CNOT4: variants seen among roughly 807,000 people sequenced by gnomAD.
CNOT4 encodes CCR4-NOT transcription complex subunit 4.
In CNOT4, 8 loss-of-function variants were observed where a neutral mutation model predicts 73.8. The ratio of observed to expected loss-of-function variants is 0.11; its 90% CI spans 0.06 to 0.20. CNOT4 has a LOEUF of 0.20. Among genes scored for constraint, CNOT4 ranks in the 10% least tolerant of loss-of-function variants. The probability of loss-of-function intolerance (pLI) is 1.00; values close to 1 mark genes in which losing one functional copy is unlikely to be tolerated. For missense variants in CNOT4, 564 were observed against 883.4 expected (o/e 0.64, Z 4.58); for synonymous variants, 293 against 321.1 (o/e 0.91, Z 0.94).
chr7:135,456,960 A>G (rs994186258), intron 1 of CNOT4, among the ~76,000 whole-genome samples: 2 of 152,106 alleles, frequency 1.3e-5, no homozygotes, highest in African/African-American at 4.8e-5. Flanking sequence ...GATTTTGTAC[A>G]TAGAAACCCC....
At chr7:135,478,783 A>T (rs1802162247) in intron 1 of CNOT4, among the ~76,000 whole-genome samples, 1 of 152,170 alleles carries the variant, frequency 6.6e-6, no homozygotes, top group African/African-American at 2.4e-5. Context: ...ATCCAATATA[A>T]ATAGCTGTAA....
In CNOT4 at chr7:135,394,233, T is replaced by C; in HGVS notation, c.1312A>G (p.Asn438Asp). 1.2e-6 allele frequency: 2 copies of C among 1,614,118 alleles called. No individual in the cohort carries two copies. Among genetic ancestry groups the C allele is most frequent in the Non-Finnish European group, 1.7e-6 (2 of 1,180,014 alleles). ...GCGGTTGTAGTGTGTGAAGAGGAGT[T>C]CTGAAGAGATGTGGGCGAAAGGGAA... ...QPSLSPTSLQ[N>D]SSSHTTTAKG... The change falls in exon 10 of 12, where the codon AAC becomes GAC. Residue 438 changes from asparagine to aspartate, a missense_variant. Transcript: ENST00000541284.
At chr7:135,452,844 T>C (rs1800261295) in intron 1 of CNOT4, among the ~76,000 whole-genome samples, 1 of 152,176 alleles carries the variant, frequency 6.6e-6, no homozygotes, top group South Asian at 2.1e-4. Flanking sequence ...GCCAGGAGTT[T>C]ATAAAATTAA....
chr7:135,420,223 A>G (rs1798105413), intron 3 of CNOT4, among the ~76,000 whole-genome samples: 1 of 152,060 alleles, frequency 6.6e-6, no homozygotes, highest in African/African-American at 2.4e-5. Flanking sequence ...CATATCCAAG[A>G]GCTCTCAAAT....
chr7:135,372,707 C>T (rs147347291), intron 10 of CNOT4, among the ~76,000 whole-genome samples: 66 of 152,260 alleles, frequency 4.3e-4, no homozygotes, highest in Non-Finnish European at 7.6e-4. Context: ...CAGGCACACA[C>T]CATCACACCC....
chr7:135,394,093 C>A lies in CNOT4; in HGVS notation c.1452G>T (p.Ala484=). The A allele has an allele frequency of 6.2e-7, 1 of 1,614,062 alleles. No individual in the cohort carries two copies. The highest frequency in any genetic ancestry group is 8.5e-7 in the Non-Finnish European group (1 of 1,180,010). ...QRFPQFQQHR[A]VYNSFSFPGQ... is the part of the protein sequence containing the mutation. ...CTGGAAAACTGAATGAATTATAAAC[C>A]GCTCGGTGCTGCTGAAATTGAGGGA... The change falls in exon 10 of 12, where the codon GCG becomes GCT. Residue 484 remains alanine (A), a synonymous_variant. Transcript: ENST00000541284.
intron 1 of CNOT4, among the ~76,000 whole-genome samples, chr7:135,441,764 G>A (rs1799492391): frequency 6.6e-6 from 1 of 152,118 alleles, no homozygotes. Flanking sequence ...ATGATATACT[G>A]ATGTTTTGCT....
At chr7:135,367,784 A>C (rs1402681609) in intron 10 of CNOT4, among the ~76,000 whole-genome samples, 1 of 152,190 alleles carries the variant, frequency 6.6e-6, no homozygotes, top group Non-Finnish European at 1.5e-5. Flanking sequence ...ATCAGAAAGT[A>C]CTTTAAACTT....
At chr7:135,392,189 C>G (rs1422768470) in intron 10 of CNOT4, among the ~76,000 whole-genome samples, 1 of 152,066 alleles carries the variant, frequency 6.6e-6, no homozygotes, top group Non-Finnish European at 1.5e-5. Flanking sequence ...TTACAGGGTA[C>G]ATTGATGTCT....
In CNOT4 at chr7:135,506,830, A is replaced by G. The variant is rs139449484; in HGVS notation, c.-93+3059T>C. On this transcript the variant is annotated intron_variant, in intron 1 of 11. Transcript: ENST00000541284. ...ACCACTGCACTCCAGCCTGAGTGACAGAGCGAGACTGTCTCAAAAAAAAAA... is the reference window on the plus strand; with the variant it reads ...ACCACTGCACTCCAGCCTGAGTGACGGAGCGAGACTGTCTCAAAAAAAAAA... 2.2e-3 allele frequency among the ~76,000 whole-genome samples: 339 copies of G among 152,140 alleles called. 13 individuals are homozygous for G. In the East Asian group the frequency reaches 0.054, roughly 24 times the overall value.
At chr7:135,496,811 ATTTTCT>A (rs1473321833) in intron 1 of CNOT4, among the ~76,000 whole-genome samples, 1 of 151,262 alleles carries the variant, frequency 6.6e-6, no homozygotes, top group Non-Finnish European at 1.5e-5. Context: ...CTGTTCTCTC[ATTTTCT>A]TTTTATTTTT....
intron 6 of CNOT4, among the ~76,000 whole-genome samples, chr7:135,412,498 C>A (rs1797641230): frequency 6.6e-6 from 1 of 151,814 alleles, no homozygotes; most frequent in South Asian, 2.1e-4. Context: ...ATTAAGAAAT[C>A]AGTTAAGTCA....
chr7:135,422,368 C>A lies in CNOT4; in HGVS notation c.175-15G>T. On this transcript the variant is annotated splice_polypyrimidine_tract_variant and intron_variant, in intron 2 of 11. Coordinates refer to ENST00000541284, the MANE Select transcript of CNOT4 (RefSeq NM_001190850.2). ...TCTGGATATGGCTTTAAGCATGAAA[C>A]AAACATAGACGTTAGCATTAAATTA... 1 of 1,196,102 alleles carries A rather than the reference C, an allele frequency of 8.4e-7. No individual in the cohort carries two copies. Among genetic ancestry groups the A allele is most frequent in the Non-Finnish European group, 1.2e-6 (1 of 803,916 alleles). 74.1% of individuals were successfully genotyped at this position (1,196,102 alleles called of 1,614,324 possible).
intron 10 of CNOT4, among the ~76,000 whole-genome samples, chr7:135,385,495 T>G (rs1484185651): frequency 6.6e-6 from 1 of 152,196 alleles, no homozygotes; most frequent in Non-Finnish European, 1.5e-5. Flanking sequence ...AGTGGAAATG[T>G]GCAGAGGTAA....
intron 1 of CNOT4, chr7:135,444,722 G>A (rs368679441): frequency 4.6e-6 from 6 of 1,314,484 alleles, no homozygotes; most frequent in South Asian, 1.2e-5. Context: ...CTTGCTCTGC[G>A]ATGGGCTATT....
At chr7:135,436,145 C>T (rs1449853322) in intron 2 of CNOT4, among the ~76,000 whole-genome samples, 2 of 2,004 alleles carry the variant, frequency 1.0e-3, no homozygotes, top group African/African-American at 3.6e-3. Context: ...CCCTTTTATT[C>T]ATATCAAGCT....
chr7:135,386,672 T>G (rs1796137545), intron 10 of CNOT4: 1 of 152,194 alleles, frequency 6.6e-6, no homozygotes, highest in Non-Finnish European at 1.5e-5. Context: ...AAAGATCATG[T>G]TTAGCCATTC....
In CNOT4 at chr7:135,395,739, G is replaced by A. The variant is rs1290853017; in HGVS notation, c.1024C>T (p.Arg342Cys). The A allele has an allele frequency of 5.0e-6, 8 of 1,613,158 alleles. No homozygotes were observed. The highest frequency in any genetic ancestry group is 1.7e-5 in the Admixed American group (1 of 59,954). ...ESQSLFSDNF[R>C]HPNPIPSGLP... ...CCACTTGGGATAGGGTTGGGATGGC[G>A]AAAATTGTCTGAGAATAACGACTGT... The change falls in exon 9 of 12, where the codon CGC (arginine) becomes TGC (cysteine). Residue 342 changes from arginine to cysteine, a missense_variant. By Grantham distance (180) the Arg-to-Cys change is radical. This residue lies in a region of CNOT4 where 135 missense variants were observed against 154.0 expected (regional missense o/e 0.88). Coordinates refer to ENST00000541284, the MANE Select transcript of CNOT4 (RefSeq NM_001190850.2).
At chr7:135,367,681 G>A (rs1794989811) in intron 10 of CNOT4, among the ~76,000 whole-genome samples, 1 of 152,130 alleles carries the variant, frequency 6.6e-6, no homozygotes, top group Non-Finnish European at 1.5e-5. Flanking sequence ...CTCCTTTTAG[G>A]AACTTAGGAA....
Sources: gnomAD v4.1 joint callset for allele counts (sites outside exome capture counted in the v4.1 genomes callset) on GRCh38, gnomAD v4.1.1 for gene constraint, gnomAD v4.1.1 regional missense constraint, MANE v1.5 for transcripts, NCBI Gene and HGNC (gene_info 2026-07-23, HGNC 2026-07-21) for gene names.